STK33: variants seen among roughly 807,000 people sequenced by gnomAD.
The protein encoded by STK33 is serine/threonine-protein kinase 33.
A neutral mutation model predicts 58.0 loss-of-function variants in STK33; 52 were observed. That is an observed-to-expected ratio of 0.90 (90% confidence interval 0.72 to 1.13). The LOEUF (loss-of-function observed/expected upper bound fraction) is 1.13. Ranked by LOEUF, STK33 falls within the 50% of genes most tolerant of loss-of-function variation. The pLI, the probability that STK33 is intolerant of heterozygous loss-of-function variation, is 0.00. For synonymous variants in STK33, 215 were observed against 200.1 expected, an observed-to-expected ratio of 1.07 and a Z score of -0.63; for missense variants, 630 against 604.2, an observed-to-expected ratio of 1.04 and a Z score of -0.45.
At chr11:8,402,617 A>AT (rs1938288658) in intron 15 of STK33, among the ~76,000 whole-genome samples, 1 of 142,462 alleles carries the variant, frequency 7.0e-6, no homozygotes, top group African/African-American at 2.7e-5. Context: ...AATTATAATA[A>AT]TAAAAAAAAG....
the STK33 span, among the ~76,000 whole-genome samples, chr11:8,368,114 C>T: frequency 1.3e-5 from 2 of 152,104 alleles, no homozygotes; most frequent in African/African-American, 4.8e-5. Context: ...TCCTCCCTGC[C>T]CATCACACCC....
intron 1 of STK33, among the ~76,000 whole-genome samples, chr11:8,487,344 C>T (rs1950255756): frequency 6.6e-6 from 1 of 150,602 alleles, no homozygotes; most frequent in African/African-American, 2.5e-5. Flanking sequence ...ATCACCTGAG[C>T]CCAGGAGGTC....
intron 1 of STK33, among the ~76,000 whole-genome samples, chr11:8,584,842 C>T (rs1419640816): frequency 6.6e-6 from 1 of 151,916 alleles, no homozygotes; most frequent in Non-Finnish European, 1.5e-5. Flanking sequence ...AGACAGGATG[C>T]TATATGAAGA....
At chr11:8,363,530 G>A in the STK33 span, among the ~76,000 whole-genome samples, 4 of 151,898 alleles carry the variant, frequency 2.6e-5, no homozygotes, top group Non-Finnish European at 2.9e-5. Context: ...TTTGAACTTC[G>A]TGTGACTGGA....
chr11:8,452,954 C>T, intron 10 of STK33, 48 bp from the exon 11 acceptor site: 2 of 1,489,426 alleles, frequency 1.3e-6, no homozygotes, highest in Non-Finnish European at 9.4e-7. Context: ...TGTCCTAGAG[C>T]TCACTCATTC....
chr11:8,466,087 T>A (rs1948147732), intron 6 of STK33: 1 of 152,176 alleles, frequency 6.6e-6, no homozygotes, highest in African/African-American at 2.4e-5. Flanking sequence ...TTCCCTCCCA[T>A]GACACATGGG....
chr11:8,348,215 A>G, the STK33 span, among the ~76,000 whole-genome samples: 4 of 152,206 alleles, frequency 2.6e-5, no homozygotes, highest in African/African-American at 9.6e-5. Context: ...CCTGTGTTGT[A>G]TCCTCTGTAT....
chr11:8,538,036 A>T (rs1358453310), intron 1 of STK33, among the ~76,000 whole-genome samples: 6 of 152,064 alleles, frequency 3.9e-5, no homozygotes, highest in Admixed American at 3.9e-4. Context: ...AAAATACAAG[A>T]AATTAGTTGG....
chr11:8,462,550 C>A (rs1278747745), intron 7 of STK33, among the ~76,000 whole-genome samples: 2 of 151,254 alleles, frequency 1.3e-5, no homozygotes, highest in Non-Finnish European at 2.9e-5. Context: ...TACTTCCTGG[C>A]CTGCCTGGTT....
At chr11:8,482,870 C>T (rs1431092714) in intron 1 of STK33, among the ~76,000 whole-genome samples, 2 of 151,944 alleles carry the variant, frequency 1.3e-5, no homozygotes, top group Non-Finnish European at 2.9e-5. Flanking sequence ...GCTGGGACTA[C>T]AGGCGCCCAC....
chr11:8,585,880 C>G (rs535449414), intron 1 of STK33, among the ~76,000 whole-genome samples: 1 of 152,172 alleles, frequency 6.6e-6, no homozygotes, highest in African/African-American at 2.4e-5. Context: ...CATGGTAAAA[C>G]CTCGTCCTAC....
At chr11:8,548,099 C>G (rs1184555549) in intron 1 of STK33, among the ~76,000 whole-genome samples, 3 of 150,884 alleles carry the variant, frequency 2.0e-5, no homozygotes, top group Non-Finnish European at 4.4e-5. Context: ...CAACATGGCA[C>G]GTGTATACAT....
intron 1 of STK33, among the ~76,000 whole-genome samples, chr11:8,493,214 G>A (rs896303631): frequency 4.0e-5 from 6 of 151,886 alleles, no homozygotes; most frequent in Non-Finnish European, 5.9e-5. Context: ...GACTAATAAA[G>A]AAGAAAACAG....
At chr11:8,400,013 G>T (rs1400850033) in intron 15 of STK33, among the ~76,000 whole-genome samples, 3 of 152,150 alleles carry the variant, frequency 2.0e-5, no homozygotes, top group Non-Finnish European at 2.9e-5. Context: ...GGACCAGATG[G>T]ATTCACAGCC....
intron 1 of STK33, among the ~76,000 whole-genome samples, chr11:8,556,030 T>C (rs1222064465): frequency 6.6e-6 from 1 of 151,996 alleles, no homozygotes; most frequent in African/African-American, 2.4e-5. Context: ...GGTGAACAGA[T>C]TGTAAGGCAA....
At chr11:8,358,995 A>C in the STK33 span, among the ~76,000 whole-genome samples, 1 of 152,210 alleles carries the variant, frequency 6.6e-6, no homozygotes, top group Admixed American at 6.5e-5. Context: ...AGCCCACAGT[A>C]ACAGGCCTAC....
At chr11:8,401,872 T>C (rs372519905) in intron 15 of STK33, among the ~76,000 whole-genome samples, 2 of 152,086 alleles carry the variant, frequency 1.3e-5, no homozygotes, top group South Asian at 4.1e-4. Flanking sequence ...AAAATGCTCA[T>C]CATCACTGGC....
chr11:8,349,539 C>T, the STK33 span, among the ~76,000 whole-genome samples: 1 of 152,212 alleles, frequency 6.6e-6, no homozygotes, highest in African/African-American at 2.4e-5. Context: ...CTGTGAGCTC[C>T]TCCCCACCTT....
chr11:8,584,181 G>T (rs186216089), intron 1 of STK33, among the ~76,000 whole-genome samples: 1 of 151,546 alleles, frequency 6.6e-6, no homozygotes, highest in East Asian at 1.9e-4. Context: ...CCAAAATCTG[G>T]GACTTTGCTA....
Sources: gnomAD v4.1 joint callset for allele counts (sites outside exome capture counted in the v4.1 genomes callset) on GRCh38, gnomAD v4.1.1 for gene constraint, MANE v1.5 for transcripts, NCBI Gene and HGNC (gene_info 2026-07-23, HGNC 2026-07-21) for gene names.